The following SUGP1 variants were observed in gnomAD, a reference collection of about 807,000 sequenced individuals.
SUGP1 encodes SURP and G-patch domain containing 1.
Under a neutral mutation model 76.5 loss-of-function variants are expected in SUGP1, and 34 were observed. The observed-to-expected ratio is 0.44, with a 90% CI of 0.34 to 0.59. The LOEUF (loss-of-function observed/expected upper bound fraction) is 0.59, where lower values mean the gene tolerates loss of function less well. SUGP1 is among the 20% of genes least tolerant of loss of function. The pLI is 0.01. For missense variants in SUGP1, 752 were observed against 851.7 expected, an observed-to-expected ratio of 0.88 and a Z score of 1.46; for synonymous variants, 326 against 326.2, an observed-to-expected ratio of 1.00 and a Z score of 0.01.
At chr19:19,282,842 C>T (rs533144873) in intron 8 of SUGP1, among the ~76,000 whole-genome samples, 5 of 152,220 alleles carry the variant, frequency 3.3e-5, no homozygotes, top group South Asian at 2.1e-4. Context: ...CTTTGGGAGG[C>T]CAAGGTGGGC....
At chr19:19,277,604 T>C in intron 12 of SUGP1, 130 bp downstream of exon 12, 2 of 1,223,350 alleles carry the variant, frequency 1.6e-6, no homozygotes, top group Non-Finnish European at 2.3e-6. Context: ...ACAAGGGGTG[T>C]GCAGTGGGGT....
chr19:19,304,498 G>T (rs904362921), intron 4 of SUGP1, among the ~76,000 whole-genome samples: 9 of 152,162 alleles, frequency 5.9e-5, no homozygotes, highest in African/African-American at 2.2e-4. Context: ...CCAGCATCTG[G>T]GAGCTAGGGA....
intron 8 of SUGP1, among the ~76,000 whole-genome samples, chr19:19,292,084 C>A (rs2061189118): frequency 6.6e-6 from 1 of 151,812 alleles, no homozygotes; most frequent in Non-Finnish European, 1.5e-5. Context: ...ACCAGCCTGG[C>A]CAACATGGCA....
chr19:19,298,173 A>G (rs1305541980), intron 7 of SUGP1, among the ~76,000 whole-genome samples: 2 of 151,992 alleles, frequency 1.3e-5, no homozygotes, highest in African/African-American at 4.8e-5. Flanking sequence ...ACTAATGTGA[A>G]TTAAAGGGTC....
In SUGP1 at chr19:19,276,514, G is replaced by A. The variant is rs2061050249; in HGVS notation, c.*134C>T. The A allele has an allele frequency of 1.9e-6, 2 of 1,051,708 alleles. No homozygotes were observed. Among genetic ancestry groups the A allele is most frequent in the Admixed American group, 4.0e-5 (2 of 49,992 alleles). The allele number at this position is 1,051,708 out of a possible 1,614,324, so 65.1% of individuals were successfully genotyped here. A position where few individuals can be genotyped will look rare whatever the true frequency, so the allele number is the denominator to read the frequency against. ...TCCTGCAACAGGACCAGGCATCTGT[G>A]GTGGATGAGCACTGGGACTTTATTA... is the stretch of plus-strand genomic sequence containing the variant. On this transcript the variant is annotated 3_prime_UTR_variant, in exon 14 of 14. Coordinates refer to ENST00000247001, the MANE Select transcript of SUGP1 (RefSeq NM_172231.4).
In SUGP1 at chr19:19,302,350, C is replaced by T. The variant is rs369915490; in HGVS notation, c.802G>A (p.Glu268Lys). The change falls in exon 7 of 14, where the codon GAA (glutamate) becomes AAA (lysine). Residue 268 changes from glutamate to lysine, a missense_variant. Glu to Lys is a moderately conservative substitution (Grantham distance 56). This residue lies in a region of SUGP1 where 620 missense variants were observed against 617.3 expected (regional missense o/e 1.00). Transcript: ENST00000247001. ...TCCGCTATGAACCTGGCCAACTTTT[C>T]TGCAAGGTTCTTGACCTCTTCGTCC... is the stretch of plus-strand genomic sequence containing the variant. ...PEDEEVKNLA[E>K]KLARFIADGG... The T allele has an allele frequency of 4.3e-6, 7 of 1,614,084 alleles. No individual in the cohort carries two copies. The African/African-American group carries it at 9.3e-5, about 22-fold the overall frequency.
At chr19:19,288,277 C>A (rs1568621943) in intron 8 of SUGP1, among the ~76,000 whole-genome samples, 1 of 152,124 alleles carries the variant, frequency 6.6e-6, no homozygotes, top group Non-Finnish European at 1.5e-5. Context: ...GTTCCTCCTG[C>A]CTCTCAGCCT....
rs547879595 is a variant in SUGP1 at position 19,280,109 on chromosome 19, C to T, written c.1350+76G>A. 146 of 1,399,448 alleles carry T rather than the reference C, an allele frequency of 1.0e-4. No homozygotes were observed. The East Asian group carries it at 1.5e-3, about 14-fold the overall frequency. 86.7% of individuals were successfully genotyped at this position (1,399,448 alleles called of 1,614,324 possible). The stretch of plus-strand genomic sequence containing the variant: ...GGCGAAGCACATGAACCCCTGTGAC[C>T]GCTGCACCCGGGGGTAGAGGACAAC... On this transcript the variant is annotated intron_variant, in intron 9 of 13. Transcript: ENST00000247001.
Position 19,297,035 on chromosome 19 carries a change from A to G in SUGP1, c.1197T>C (p.Ala399=). 1 of 1,602,744 alleles carries G rather than the reference A, an allele frequency of 6.2e-7. No homozygotes were observed. The highest frequency in any genetic ancestry group is 8.5e-7 in the Non-Finnish European group (1 of 1,172,162). The part of the protein sequence containing the change: ...PEEDKVELPP[A]ELVQRDVDAS... ...CATCCACGTCCCTCTGCACCAGTTCAGCAGGTGGGAGCTCTACCTTATCCT... is the reference window on the plus strand; with the variant it reads ...CATCCACGTCCCTCTGCACCAGTTCGGCAGGTGGGAGCTCTACCTTATCCT... The change falls in exon 8 of 14, where the codon GCT becomes GCC. Residue 399 remains alanine, a synonymous_variant. Transcript: ENST00000247001.
chr19:19,308,152 C>A (rs2061330163), intron 3 of SUGP1, among the ~76,000 whole-genome samples: 1 of 152,084 alleles, frequency 6.6e-6, no homozygotes, highest in South Asian at 2.1e-4. Context: ...CATCTCAGCC[C>A]CCCCATTAGT....
In SUGP1 at chr19:19,305,977, G is replaced by A; in HGVS notation, c.410C>T (p.Ala137Val). ...GCTCTTCACAGGGCCCGGCAGGCTGGCCAGCCCCAGGCCTGTCCGCCTGCT... is the reference window on the plus strand; with the variant it reads ...GCTCTTCACAGGGCCCGGCAGGCTGACCAGCCCCAGGCCTGTCCGCCTGCT... Reference protein sequence around the residue: ...LISRRTGLGLASLPGPVKSYS... With the variant: ...LISRRTGLGLVSLPGPVKSYS... Residue 137 changes from alanine to valine, a missense_variant, in exon 4 of 14, where the codon GCC (alanine) becomes GTC (valine). Transcript: ENST00000247001. 6.2e-7 allele frequency: 1 copy of A among 1,611,754 alleles called. No homozygotes were observed.
Position 19,303,828 on chromosome 19 carries a change from G to T in SUGP1, c.558C>A (p.Ala186=). The change falls in exon 5 of 14, where the codon GCC becomes GCA. Residue 186 remains alanine, a synonymous_variant. Coordinates refer to ENST00000247001, the MANE Select transcript of SUGP1 (RefSeq NM_172231.4). ...ATTTCTCTATCACTTTCCGAGTCTC[G>T]GCTCCCTCTGGGGGTGAAACTTTAA... ...LEIKVSPPEG[A]ETRKVIEKLA... is the part of the protein sequence containing the mutation. 1 of 1,613,976 alleles carries T rather than the reference G, an allele frequency of 6.2e-7. No individual in the cohort carries two copies. Among genetic ancestry groups the T allele is most frequent in the Non-Finnish European group, 8.5e-7 (1 of 1,180,014 alleles).
intron 12 of SUGP1, among the ~76,000 whole-genome samples, 177 bp from the exon 13 acceptor site, chr19:19,277,253 G>GC (rs1555787448): frequency 1.4e-4 from 20 of 146,864 alleles, no homozygotes; most frequent in South Asian, 2.2e-4. Flanking sequence ...GGGGCGGGCG[G>GC]GGGGGGGGGG....
At chr19:19,304,139 G>A in intron 4 of SUGP1, 2 of 925,172 alleles carry the variant, frequency 2.2e-6, no homozygotes, top group Admixed American at 2.5e-5. Flanking sequence ...TGGGGGAAAT[G>A]CTTAATTCTT....
Position 19,303,784 on chromosome 19 carries a change from T to G in SUGP1, c.602A>C (p.Glu201Ala). ...TACTTTTTCTAACTCGGGGCCTCCT[T>G]CTGCCACAAAGCGGGCCAATTTCTC... Reference protein sequence around the residue: ...VIEKLARFVAEGGPELEKVAM... With the variant: ...VIEKLARFVAAGGPELEKVAM... The change falls in exon 5 of 14, where the codon GAA (glutamate) becomes GCA (alanine). Residue 201 changes from glutamate (E) to alanine (A), a missense_variant. Around this residue, in one of 2 missense-constraint regions of SUGP1, gnomAD observed 620 missense variants for 617.3 expected, o/e 1.00. Transcript: ENST00000247001. 1 of 1,614,208 alleles carries G rather than the reference T, an allele frequency of 6.2e-7. No homozygotes were observed.
At chr19:19,316,137 G>C (rs2061392449) in intron 2 of SUGP1, 1 of 345,688 alleles carries the variant, frequency 2.9e-6, no homozygotes, top group Non-Finnish European at 5.3e-6. Flanking sequence ...CTGAACTCAA[G>C]GCAGAGATTT....
chr19:19,287,331 T>C (rs773591027), intron 8 of SUGP1, among the ~76,000 whole-genome samples: 7 of 151,840 alleles, frequency 4.6e-5, no homozygotes, highest in Non-Finnish European at 8.8e-5. Flanking sequence ...GAAGCTGAGG[T>C]GGGCGGATCA....
At chr19:19,309,741 TCTA>T (rs1383164255) in intron 3 of SUGP1, among the ~76,000 whole-genome samples, 2 of 152,086 alleles carry the variant, frequency 1.3e-5, no homozygotes, top group African/African-American at 4.8e-5. Flanking sequence ...AAACCCCATC[TCTA>T]CTAAAAATAT....
At chr19:19,297,396 CCT>C in intron 7 of SUGP1, 52 bp from the exon 8 acceptor site, 1 of 1,217,316 alleles carries the variant, frequency 8.2e-7, no homozygotes, top group Non-Finnish European at 1.1e-6. Context: ...AGGCCCTGTC[CCT>C]GATTCTGGGC....
Sources: gnomAD v4.1 joint callset for allele counts (sites outside exome capture counted in the v4.1 genomes callset) on GRCh38, gnomAD v4.1.1 for gene constraint, gnomAD v4.1.1 regional missense constraint, MANE v1.5 for transcripts, NCBI Gene and HGNC (gene_info 2026-07-23, HGNC 2026-07-21) for gene names.